The following ATAD2B variants were observed in gnomAD, a reference collection of about 807,000 sequenced individuals.
The protein encoded by ATAD2B is ATPase family AAA domain-containing protein 2B.
ATAD2B carries 40 observed loss-of-function variants against 167.6 expected under a neutral mutation model. The ratio of observed to expected loss-of-function variants is 0.24; its 90% CI spans 0.19 to 0.31. The LOEUF is 0.31. Ranked by LOEUF, ATAD2B falls within the 10% of genes least tolerant of loss-of-function variation. The probability of loss-of-function intolerance (pLI) is 1.00; values close to 1 mark genes in which losing one functional copy is unlikely to be tolerated. For synonymous variants in ATAD2B, 579 were observed against 596.5 expected, an observed-to-expected ratio of 0.97 and a Z score of 0.43; for missense variants, 1,242 against 1,757.2, an observed-to-expected ratio of 0.71 and a Z score of 5.24.
intron 26 of ATAD2B, among the ~76,000 whole-genome samples, 156 bp from the exon 27 acceptor site, chr2:23,754,463 A>G (rs2149299842): frequency 6.6e-6 from 1 of 152,306 alleles, no homozygotes. Flanking sequence ...TTCCCTTAGA[A>G]TATCTTGGAC....
chr2:23,820,555 A>C (rs1687284992), intron 16 of ATAD2B, among the ~76,000 whole-genome samples: 1 of 152,210 alleles, frequency 6.6e-6, no homozygotes, highest in Non-Finnish European at 1.5e-5. Context: ...AAACATGCCT[A>C]ATTAAAACTG....
At chr2:23,691,336 A>G in the ATAD2B span, 1 of 338,948 alleles carries the variant, frequency 3.0e-6, no homozygotes, top group Non-Finnish European at 5.5e-6. Flanking sequence ...TGGTGGAGAC[A>G]CCAGGGCCTG....
intron 22 of ATAD2B, among the ~76,000 whole-genome samples, chr2:23,769,712 GTTTT>G (rs1266284550): frequency 7.8e-5 from 10 of 128,082 alleles, no homozygotes; most frequent in African/African-American, 1.2e-4. Flanking sequence ...CTCACTGTGG[GTTTT>G]TTTTTTTTTT....
At chr2:23,885,437 G>C (rs1698524839) in intron 5 of ATAD2B, among the ~76,000 whole-genome samples, 1 of 152,172 alleles carries the variant, frequency 6.6e-6, no homozygotes, top group Non-Finnish European at 1.5e-5. Context: ...TTAATCTTCA[G>C]TGCACAACAA....
chr2:23,844,727 G>A (rs1012096789), intron 13 of ATAD2B, among the ~76,000 whole-genome samples: 7 of 151,836 alleles, frequency 4.6e-5, no homozygotes, highest in Admixed American at 6.6e-5. Context: ...ACAAAGTTTC[G>A]GCAAACTATG....
intron 1 of ATAD2B, among the ~76,000 whole-genome samples, chr2:23,904,721 G>A (rs1331051601): frequency 6.6e-6 from 1 of 152,036 alleles, no homozygotes; most frequent in Non-Finnish European, 1.5e-5. Flanking sequence ...AAATGTATGG[G>A]TACAAATCAA....
intron 22 of ATAD2B, among the ~76,000 whole-genome samples, chr2:23,774,791 T>G (rs7558918): frequency 0.43 from 65,852 of 151,980 alleles, 15,429 homozygotes; most frequent in East Asian, 0.78. Context: ...TCCCAGCTAC[T>G]CAGGAGGCTG....
chr2:23,678,863 C>A, the ATAD2B span, among the ~76,000 whole-genome samples: 4 of 152,060 alleles, frequency 2.6e-5, no homozygotes, highest in South Asian at 8.3e-4. Flanking sequence ...AATAGTCAAA[C>A]TCATAGAGAC....
intron 1 of ATAD2B, among the ~76,000 whole-genome samples, chr2:23,908,416 G>A (rs979656197): frequency 2.6e-5 from 4 of 152,184 alleles, no homozygotes; most frequent in Non-Finnish European, 4.4e-5. Context: ...TCAGAGAAAT[G>A]CAAATCAAAA....
chr2:23,764,794 A>ACACACATCAAGCTATTT (rs148977515), intron 23 of ATAD2B, among the ~76,000 whole-genome samples: 18,181 of 152,168 alleles, frequency 0.12, 1,163 homozygotes, highest in Middle Eastern at 0.22. Context: ...TACCAGTTTA[A>ACACACATCAAGCTATTT]CACACCTCTG....
rs140197761 is a variant in ATAD2B at position 23,793,252 on chromosome 2, T to A, written c.2641-4605A>T. Among the ~76,000 whole-genome samples the A allele has an allele frequency of 8.2e-4, 125 of 152,334 alleles. 1 individual carries two copies. In the East Asian group the frequency reaches 0.013, roughly 16 times the overall value. On this transcript the variant is annotated intron_variant, in intron 19 of 27. Transcript: ENST00000238789. The stretch of plus-strand genomic sequence containing the variant: ...TTCATCAGCATAGCTGAGGAATATT[T>A]CTTTAAAATTCATTTCCAATATACT...
chr2:23,835,625 T>C (rs939352086), intron 13 of ATAD2B, among the ~76,000 whole-genome samples: 6 of 152,144 alleles, frequency 3.9e-5, no homozygotes, highest in African/African-American at 1.2e-4. Context: ...TGAAAGTCAC[T>C]GAACTATGCA....
chr2:23,811,387 C>T (rs1259606959), intron 17 of ATAD2B: 1 of 152,248 alleles, frequency 6.6e-6, no homozygotes, highest in South Asian at 2.1e-4. Flanking sequence ...TGTTCCCCTC[C>T]AGAGGAAGCA....
chr2:23,924,975 A>G (rs961770617), intron 1 of ATAD2B, among the ~76,000 whole-genome samples: 2 of 152,252 alleles, frequency 1.3e-5, no homozygotes, highest in Non-Finnish European at 2.9e-5. Flanking sequence ...GCTTCAGATG[A>G]GTTAGACACT....
rs1243148604 is a variant in ATAD2B, at chr2:23,913,434, G to T, written c.216+13121C>A. Among the ~76,000 whole-genome samples the T allele has an allele frequency of 5.3e-5, 8 of 152,156 alleles. No individual in the cohort carries two copies. In the East Asian group the frequency reaches 1.5e-3, roughly 29 times the overall value. On this transcript the variant is annotated intron_variant, in intron 1 of 27. Coordinates refer to ENST00000238789, the MANE Select transcript of ATAD2B (RefSeq NM_017552.4). Reference sequence around the variant, plus strand: ...GCGGGCAGATCACTTGAGGTCAGGAGTTCGAGACCAGCCTGGCCAATATGG... The same window carrying T: ...GCGGGCAGATCACTTGAGGTCAGGATTTCGAGACCAGCCTGGCCAATATGG...
At chr2:23,752,336 T>C (rs1038584079) in intron 27 of ATAD2B, among the ~76,000 whole-genome samples, 6 of 151,902 alleles carry the variant, frequency 3.9e-5, no homozygotes, top group African/African-American at 9.7e-5. Flanking sequence ...AACTAACTTA[T>C]TATGCCAGTA....
In ATAD2B at chr2:23,782,973, G is replaced by A. The variant is rs903785971; in HGVS notation, c.3029C>T (p.Thr1010Ile). ...CAGGTAATTATGTTTATCAATTTTA[G>A]TTATTACTGTTGATAAGTCCATTGG... ...KEPMDLSTVI[T>I]KIDKHNYLTA... is the part of the protein sequence containing the mutation. Residue 1010 changes from threonine (T) to isoleucine (I), a missense_variant, in exon 22 of 28, where the codon ACT becomes ATT. This residue lies in a region of ATAD2B where 204 missense variants were observed against 324.0 expected (regional missense o/e 0.63). Coordinates refer to ENST00000238789, the MANE Select transcript of ATAD2B (RefSeq NM_017552.4). The A allele has an allele frequency of 1.3e-6, 2 of 1,585,074 alleles. No individual in the cohort carries two copies. Among genetic ancestry groups the A allele is most frequent in the African/African-American group, 2.7e-5 (2 of 74,272 alleles).
chr2:23,840,625 C>T (rs547190751), intron 13 of ATAD2B, among the ~76,000 whole-genome samples: 4 of 152,270 alleles, frequency 2.6e-5, no homozygotes, highest in South Asian at 4.1e-4. Context: ...CTTTAAGGCA[C>T]ATTATATGAT....
intron 4 of ATAD2B, among the ~76,000 whole-genome samples, chr2:23,887,609 G>A (rs755413307): frequency 1.3e-5 from 2 of 152,084 alleles, no homozygotes; most frequent in Non-Finnish European, 2.9e-5. Context: ...GACGTTGAAC[G>A]GATAGTCAGC....
Sources: gnomAD v4.1 joint callset for allele counts (sites outside exome capture counted in the v4.1 genomes callset) on GRCh38, gnomAD v4.1.1 for gene constraint, gnomAD v4.1.1 regional missense constraint, MANE v1.5 for transcripts, NCBI Gene and HGNC (gene_info 2026-07-23, HGNC 2026-07-21) for gene names.